CCDC102B: variants seen among roughly 807,000 people sequenced by gnomAD.
CCDC102B encodes the protein coiled-coil domain containing 102B.
In CCDC102B, 75 loss-of-function variants were observed where a neutral mutation model predicts 57.4. The observed-to-expected ratio is 1.31, with a 90% CI of 1.08 to 1.58. The LOEUF is 1.58. Ranked by LOEUF, CCDC102B falls within the 40% of genes most tolerant of loss-of-function variation. CCDC102B has a pLI of 0.00. For missense variants in CCDC102B, 636 were observed against 582.6 expected (o/e 1.09, Z -0.94); for synonymous variants, 206 against 201.9 (o/e 1.02, Z -0.17).
intron 4 of CCDC102B, among the ~76,000 whole-genome samples, chr18:68,852,078 A>C (rs1326115146): frequency 6.6e-6 from 1 of 152,062 alleles, no homozygotes; most frequent in Admixed American, 6.6e-5. Context: ...GTTGAAAAGG[A>C]GATTGGACCA....
rs1209291933 is a variant in CCDC102B, at chr18:68,977,769, G to A, written c.1264-33165G>A. 1.3e-5 allele frequency among the ~76,000 whole-genome samples: 2 copies of A among 152,000 alleles called. 1 individual carries two copies. Among genetic ancestry groups the A allele is most frequent in the Non-Finnish European group, 2.9e-5 (2 of 67,976 alleles). ...TAATTTGAGTAAAACTATAGGTGCA[G>A]ATAAACTCCTTGAAATTATGTAAAA... On this transcript the variant is annotated intron_variant, in intron 6 of 7. Coordinates refer to ENST00000360242, the MANE Select transcript of CCDC102B (RefSeq NM_024781.3).
At chr18:68,826,264 G>A (rs2036898760) in intron 1 of CCDC102B, among the ~76,000 whole-genome samples, 1 of 152,230 alleles carries the variant, frequency 6.6e-6, no homozygotes, top group South Asian at 2.1e-4. Context: ...ATCTGCAGTG[G>A]ATTGAAGACA....
intron 1 of CCDC102B, among the ~76,000 whole-genome samples, chr18:68,811,358 C>T (rs953604030): frequency 5.9e-5 from 9 of 152,196 alleles, no homozygotes; most frequent in Admixed American, 2.0e-4. Context: ...TGGTGGGTCA[C>T]GCCTGTAATC....
Position 68,897,333 on chromosome 18 carries a change from A to C in CCDC102B, c.1168A>C (p.Met390Leu), listed in dbSNP as rs374974005. The change falls in exon 6 of 8, where the codon ATG (methionine) becomes CTG (leucine). Residue 390 changes from methionine (M) to leucine (L), a missense_variant. Met to Leu is a conservative substitution (Grantham distance 15). Transcript: ENST00000360242. ...AAGGCTGAAGATCCAGGTGAAAGAAATGGAAGAGCTTTTGGATAAGAAAAA... is the reference window on the plus strand; with the variant it reads ...AAGGCTGAAGATCCAGGTGAAAGAACTGGAAGAGCTTTTGGATAAGAAAAA... Reference protein sequence around the residue: ...NRRLKIQVKEMEELLDKKNRL... With the variant: ...NRRLKIQVKELEELLDKKNRL... 7 of 1,613,140 alleles carry C rather than the reference A, an allele frequency of 4.3e-6. No individual in the cohort carries two copies. In the African/African-American group the frequency reaches 9.4e-5, roughly 22 times the overall value.
Position 68,956,360 on chromosome 18 carries a change from A to ATCAATATATATT in CCDC102B, c.1264-54574_1264-54573insTCAATATATATT, listed in dbSNP as rs1568351914. 4.0e-5 allele frequency among the ~76,000 whole-genome samples: 3 copies of ATCAATATATATT among 74,926 alleles called. No homozygotes were observed. The East Asian group carries it at 1.6e-3, about 39-fold the overall frequency. 49.2% of individuals were successfully genotyped at this position (74,926 alleles called of 152,430 possible). A position where few individuals can be genotyped will look rare whatever the true frequency, so the allele number is the denominator to read the frequency against. On this transcript the variant is annotated intron_variant, in intron 6 of 7. Transcript: ENST00000360242. ...ATATAATATATATATTAATATATAT[A>ATCAATATATATT]ATATATATATAAAATGTATAATATA...
chr18:68,998,793 T>G (rs1017160423), intron 6 of CCDC102B, among the ~76,000 whole-genome samples: 1 of 151,982 alleles, frequency 6.6e-6, no homozygotes, highest in African/African-American at 2.4e-5. Context: ...CTGGCTTCAC[T>G]GGCAGCTGAT....
At chr18:68,735,828 CTGT>C (rs1200075447) in intron 2 of CCDC102B, among the ~76,000 whole-genome samples, 1 of 152,166 alleles carries the variant, frequency 6.6e-6, no homozygotes, top group Non-Finnish European at 1.5e-5. Context: ...TCTGTGTGCT[CTGT>C]TGTTCTAACT....
At position 68,956,529 on chromosome 18, in the gene CCDC102B, AT is replaced by A. The variant is rs1209875997; in HGVS notation, c.1264-54403del. The stretch of plus-strand genomic sequence containing the variant: ...AATATATATATCGCATATTATATAT[AT>A]TATATATTTTATATATATAAATATT... On this transcript the variant is annotated intron_variant, in intron 6 of 7. Transcript: ENST00000360242. Among the ~76,000 whole-genome samples the A allele has an allele frequency of 3.7e-3, 44 of 11,808 alleles. 2 individuals carry two copies. The highest frequency in any genetic ancestry group is 0.019 in the African/African-American group (42 of 2,262). The allele number at this position is 11,808 out of a possible 152,430, so 7.7% of individuals were successfully genotyped here.
intron 7 of CCDC102B, among the ~76,000 whole-genome samples, chr18:69,038,468 A>G (rs2052351430): frequency 6.6e-6 from 1 of 152,008 alleles, no homozygotes; most frequent in South Asian, 2.1e-4. Flanking sequence ...AATGTGCTCC[A>G]ATTCATATTA....
At chr18:68,999,332 C>T (rs62096571) in intron 6 of CCDC102B, among the ~76,000 whole-genome samples, 1 of 151,812 alleles carries the variant, frequency 6.6e-6, no homozygotes, top group African/African-American at 2.4e-5. Context: ...CACATTGGCT[C>T]ACACCTATAA....
intron 6 of CCDC102B, among the ~76,000 whole-genome samples, chr18:68,957,005 G>A (rs984702240): frequency 2.0e-5 from 3 of 151,838 alleles, no homozygotes; most frequent in African/African-American, 4.8e-5. Flanking sequence ...AGTTGTTTGA[G>A]CTCCTTATAT....
chr18:68,833,571 A>G (rs7237872), intron 1 of CCDC102B, among the ~76,000 whole-genome samples: 3,079 of 152,200 alleles, frequency 0.02, 103 homozygotes, highest in African/African-American at 0.07. Context: ...CCCTTTTAAT[A>G]GAAGAATTCA....
chr18:68,877,244 G>A (rs908927412), intron 5 of CCDC102B, among the ~76,000 whole-genome samples: 7 of 152,172 alleles, frequency 4.6e-5, no homozygotes, highest in Admixed American at 3.9e-4. Flanking sequence ...ATTGTGATGT[G>A]AGTGGGAAAA....
At chr18:68,944,349 A>G (rs1478344188) in intron 6 of CCDC102B, among the ~76,000 whole-genome samples, 2 of 152,114 alleles carry the variant, frequency 1.3e-5, no homozygotes, top group Non-Finnish European at 2.9e-5. Context: ...TTAAGCTTAT[A>G]AAACAAAGTA....
intron 2 of CCDC102B, among the ~76,000 whole-genome samples, chr18:68,785,040 A>G (rs888765584): frequency 6.7e-5 from 9 of 133,382 alleles, no homozygotes; most frequent in African/African-American, 2.6e-4. Flanking sequence ...ATGTGATTTC[A>G]TTGTTCAATT....
rs2052795299 is a variant in CCDC102B at position 69,055,155 on chromosome 18, T to C, written c.*1018T>C. On this transcript the variant is annotated 3_prime_UTR_variant, in exon 8 of 8. Coordinates refer to ENST00000360242, the MANE Select transcript of CCDC102B (RefSeq NM_024781.3). The stretch of plus-strand genomic sequence containing the variant: ...CCAAAAAAAAATGAAATCTTACTAA[T>C]TCATTATTGAATAAAGACCACTTTT... 1.0e-6 allele frequency: 1 copy of C among 980,412 alleles called. No individual in the cohort carries two copies. The highest frequency in any genetic ancestry group is 4.7e-5 in the South Asian group (1 of 21,206). The allele number at this position is 980,412 out of a possible 1,614,324, so 60.7% of individuals were successfully genotyped here. A position where few individuals can be genotyped will look rare whatever the true frequency, so the allele number is the denominator to read the frequency against.
chr18:68,855,845 A>T (rs8090576), intron 4 of CCDC102B, among the ~76,000 whole-genome samples: 144,358 of 152,212 alleles, frequency 0.95, 68,931 homozygotes, highest in East Asian at 1. Flanking sequence ...TTTAAAAATA[A>T]ATTAAATGGT....
intron 2 of CCDC102B, among the ~76,000 whole-genome samples, chr18:68,722,883 TTTTTC>T (rs1356530412): frequency 6.6e-6 from 1 of 151,958 alleles, no homozygotes; most frequent in Admixed American, 6.5e-5. Context: ...CTTTTATTTT[TTTTTC>T]TTTTTGCAAC....
intron 6 of CCDC102B, among the ~76,000 whole-genome samples, chr18:68,966,206 A>T (rs926634031): frequency 6.6e-6 from 1 of 151,990 alleles, no homozygotes; most frequent in Non-Finnish European, 1.5e-5. Context: ...CAAGTTTATG[A>T]TTCTTTTCAT....
Sources: allele counts gnomAD v4.1 joint callset (sites outside exome capture counted in the v4.1 genomes callset), GRCh38; gene constraint gnomAD v4.1.1; transcripts MANE v1.5; gene names NCBI Gene and HGNC (gene_info 2026-07-23, HGNC 2026-07-21).